Variants in GABRB3 observed in about 807,000 individuals in gnomAD.
GABRB3 encodes gamma-aminobutyric acid type A receptor subunit beta3.
In GABRB3, 14 loss-of-function variants were observed where a neutral mutation model predicts 52.1. That is an observed-to-expected ratio of 0.27 (90% confidence interval 0.18 to 0.42). The LOEUF is 0.42. Ranked by LOEUF, GABRB3 falls within the 10% of genes least tolerant of loss-of-function variation. The pLI, the probability that GABRB3 is intolerant of heterozygous loss-of-function variation, is 1.00. For missense variants in GABRB3, 307 were observed against 609.1 expected (o/e 0.50, Z 5.22); for synonymous variants, 260 against 232.3 (o/e 1.12, Z -1.08).
chr15:26,687,534 C>T (rs1367217967), intron 3 of GABRB3, among the ~76,000 whole-genome samples: 3 of 152,084 alleles, frequency 2.0e-5, no homozygotes, highest in Admixed American at 2.0e-4. Context: ...CCTCCCTTCT[C>T]TCTTTGCTTC....
At chr15:26,561,269 G>A in intron 7 of GABRB3, 93 bp from the exon 8 acceptor site, 2 of 1,570,350 alleles carry the variant, frequency 1.3e-6, no homozygotes, top group Non-Finnish European at 1.7e-6. Flanking sequence ...ACAGCTTTAA[G>A]TAGTCAGAGA....
chr15:26,760,809 G>GCACACACACACACACACA (rs10522762), intron 3 of GABRB3, among the ~76,000 whole-genome samples: 25,921 of 149,166 alleles, frequency 0.17, 2,365 homozygotes, highest in Non-Finnish European at 0.2. Flanking sequence ...ACACGCGCAC[G>GCACACACACACACACACA]CACACACACA....
In GABRB3 at chr15:26,547,292, C is replaced by T. The variant is rs956908358; in HGVS notation, c.*501G>A. On this transcript the variant is annotated 3_prime_UTR_variant, in exon 9 of 9. Transcript: ENST00000311550. ...ACGAGAGGATATGAAGTAAGTGACT[C>T]ATTTTAAACTAGCAATACCACTGTA... 6 of 385,134 alleles carry T rather than the reference C, an allele frequency of 1.6e-5. No individual in the cohort carries two copies. The highest frequency in any genetic ancestry group is 2.8e-5 in the Non-Finnish European group (6 of 217,736). 23.9% of individuals were successfully genotyped at this position (385,134 alleles called of 1,614,324 possible).
chr15:26,631,954 T>C (rs1566784319), intron 3 of GABRB3, among the ~76,000 whole-genome samples: 1 of 152,210 alleles, frequency 6.6e-6, no homozygotes, highest in Non-Finnish European at 1.5e-5. Context: ...ACAGAATTGG[T>C]ACCTTTAAAA....
At chr15:26,677,131 A>G (rs17561112) in intron 3 of GABRB3, among the ~76,000 whole-genome samples, 21,856 of 152,092 alleles carry the variant, frequency 0.14, 1,988 homozygotes, top group Non-Finnish European at 0.21. Flanking sequence ...CTTTGGCCTC[A>G]TCTAAAACAT....
chr15:26,714,546 G>A (rs984781090), intron 3 of GABRB3, among the ~76,000 whole-genome samples: 3 of 152,164 alleles, frequency 2.0e-5, no homozygotes, highest in Non-Finnish European at 2.9e-5. Flanking sequence ...GAAGTGGGGC[G>A]GGGCTTCCAG....
At chr15:26,730,331 T>C (rs1889874822) in intron 3 of GABRB3, among the ~76,000 whole-genome samples, 1 of 142,306 alleles carries the variant, frequency 7.0e-6, no homozygotes, top group Non-Finnish European at 1.5e-5. Context: ...GGCAGGAGAA[T>C]GGCGTGAACC....
chr15:26,674,575 G>GA (rs1159612286), intron 3 of GABRB3, among the ~76,000 whole-genome samples: 4 of 151,624 alleles, frequency 2.6e-5, no homozygotes, highest in Non-Finnish European at 1.5e-5. Context: ...TGAAATTCTA[G>GA]AAAAAAAATA....
At chr15:26,587,884 CCCTCTGTGATCTGAGAATT>C (rs1468737627) in intron 4 of GABRB3, among the ~76,000 whole-genome samples, 1 of 152,194 alleles carries the variant, frequency 6.6e-6, no homozygotes, top group African/African-American at 2.4e-5. Context: ...CCTTCTCCAG[CCCTCTGTGATCTGAGAATT>C]CCACTGTTAT....
chr15:26,621,613 G>T lies in GABRB3; in HGVS notation c.241-79C>A. On this transcript the variant is annotated intron_variant, in intron 3 of 8. Coordinates refer to ENST00000311550, the MANE Select transcript of GABRB3 (RefSeq NM_000814.6). This position sits in a 1 kb window ranked among gnomAD's most constrained non-coding sequence, Gnocchi z 4.1. ...TTCCTCCACGACCAGCCAAATTCAG[G>T]TTGCAATCTAGGCTCTACAGTGAAT... 1 of 1,157,288 alleles carries T rather than the reference G, an allele frequency of 8.6e-7. No homozygotes were observed. The highest frequency in any genetic ancestry group is 1.3e-6 in the Non-Finnish European group (1 of 785,160). 71.7% of individuals were successfully genotyped at this position (1,157,288 alleles called of 1,614,324 possible). A position where few individuals can be genotyped will look rare whatever the true frequency, so the allele number is the denominator to read the frequency against.
At chr15:26,616,248 A>G (rs1892252212) in intron 4 of GABRB3, among the ~76,000 whole-genome samples, 1 of 152,202 alleles carries the variant, frequency 6.6e-6, no homozygotes, top group Non-Finnish European at 1.5e-5. Flanking sequence ...ATCAAAAGTC[A>G]CGTGTAAAAT....
intron 3 of GABRB3, among the ~76,000 whole-genome samples, chr15:26,622,282 G>A (rs765311648): frequency 1.4e-4 from 21 of 152,150 alleles, no homozygotes; most frequent in Non-Finnish European, 2.8e-4. Context: ...TTCTGCTTTC[G>A]TTTTGCCAAA....
At chr15:26,558,759 T>C (rs571520357) in intron 8 of GABRB3, among the ~76,000 whole-genome samples, 1 of 151,070 alleles carries the variant, frequency 6.6e-6, no homozygotes, top group African/African-American at 2.4e-5. Context: ...AAAAATTAGC[T>C]GGGCGCGGTG....
intron 4 of GABRB3, among the ~76,000 whole-genome samples, chr15:26,592,310 T>C (rs1220804632): frequency 6.6e-6 from 1 of 152,176 alleles, no homozygotes; most frequent in Non-Finnish European, 1.5e-5. Flanking sequence ...CAGCCTCCAA[T>C]ATGAGAGTGA....
At chr15:26,634,987 T>TATATATATATATATATATATATATA in intron 3 of GABRB3, among the ~76,000 whole-genome samples, 1 of 4,416 alleles carries the variant, frequency 2.3e-4, no homozygotes, top group African/African-American at 2.6e-4. Context: ...TATCTCTAAA[T>TATATATATATATATATATATATATA]ATATATATAT....
chr15:26,635,002 ATATATATAATATATATATATT>A (rs758910572), intron 3 of GABRB3, among the ~76,000 whole-genome samples: 1,516 of 7,806 alleles, frequency 0.19, 50 homozygotes, highest in South Asian at 0.45. Context: ...ATATATATAT[ATATATATAATATATATATATT>A]TAGAGAGGAA....
chr15:26,686,456 G>A (rs1888409033), intron 3 of GABRB3, among the ~76,000 whole-genome samples: 1 of 152,308 alleles, frequency 6.6e-6, no homozygotes, highest in Non-Finnish European at 1.5e-5. Flanking sequence ...AAGTGATACT[G>A]ATAAATAACA....
intron 3 of GABRB3, among the ~76,000 whole-genome samples, chr15:26,651,471 CAG>C (rs1404067358): frequency 2.0e-5 from 3 of 152,180 alleles, no homozygotes; most frequent in Non-Finnish European, 2.9e-5. Context: ...CAAGTATGTT[CAG>C]AGCTATAAAA....
chr15:26,624,502 A>C, intron 3 of GABRB3: 2 of 985,300 alleles, frequency 2.0e-6, no homozygotes, highest in Non-Finnish European at 2.4e-6. Context: ...CCCGGCTGTC[A>C]CTCACAGCCT....
Sources: allele counts gnomAD v4.1 joint callset (sites outside exome capture counted in the v4.1 genomes callset), GRCh38; gene constraint gnomAD v4.1.1; non-coding constraint Gnocchi (gnomAD v3.1); transcripts MANE v1.5; gene names NCBI Gene and HGNC (gene_info 2026-07-23, HGNC 2026-07-21).